Variants in BBS9 observed in about 807,000 individuals in gnomAD.
BBS9 encodes Bardet-Biedl syndrome 9, also known as protein PTHB1.
Under a neutral mutation model 117.7 loss-of-function variants are expected in BBS9, and 89 were observed. The observed-to-expected ratio is 0.76, with a 90% CI of 0.64 to 0.90. BBS9 has a LOEUF of 0.90. Among genes scored for constraint, BBS9 ranks in the 40% least tolerant of loss-of-function variants. BBS9 has a pLI of 0.00. For missense variants in BBS9, 982 were observed against 1,042.2 expected, an observed-to-expected ratio of 0.94 and a Z score of 0.80; for synonymous variants, 379 against 370.9, an observed-to-expected ratio of 1.02 and a Z score of -0.25.
intron 2 of BBS9, among the ~76,000 whole-genome samples, chr7:33,152,171 T>G (rs1056898140): frequency 4.6e-5 from 7 of 152,220 alleles, no homozygotes; most frequent in Non-Finnish European, 8.8e-5. Flanking sequence ...CAGAGGTACC[T>G]GGGGTTATGA....
chr7:33,316,147 A>G (rs1810461234), intron 9 of BBS9, among the ~76,000 whole-genome samples: 1 of 152,116 alleles, frequency 6.6e-6, no homozygotes, highest in Admixed American at 6.5e-5. Context: ...ACTGCTGTTC[A>G]TATTCTCTTT....
At chr7:33,354,896 T>C (rs1819353609) in intron 15 of BBS9, among the ~76,000 whole-genome samples, 1 of 152,070 alleles carries the variant, frequency 6.6e-6, no homozygotes, top group Admixed American at 6.6e-5. Context: ...AGGGAAATGT[T>C]TGAAGGAGAG....
intron 19 of BBS9, among the ~76,000 whole-genome samples, chr7:33,500,570 A>G (rs753440413): frequency 6.6e-6 from 1 of 152,230 alleles, no homozygotes; most frequent in Admixed American, 6.5e-5. Flanking sequence ...TAATCTGGGT[A>G]TGACAGCCTT....
intron 19 of BBS9, among the ~76,000 whole-genome samples, chr7:33,487,529 T>G (rs1048678914): frequency 3.7e-4 from 56 of 152,208 alleles, no homozygotes; most frequent in African/African-American, 1.3e-3. Context: ...AGGAGGATTG[T>G]CTAGAAAAGT....
intron 12 of BBS9, among the ~76,000 whole-genome samples, chr7:33,345,615 T>G (rs926670745): frequency 1.3e-5 from 2 of 152,182 alleles, no homozygotes; most frequent in Non-Finnish European, 2.9e-5. Context: ...AAGGGTGGTC[T>G]TTCCCCAACC....
chr7:33,606,978 T>C (rs1358039546), downstream of BBS9, among the ~76,000 whole-genome samples: 2 of 152,146 alleles, frequency 1.3e-5, no homozygotes, highest in African/African-American at 4.8e-5. Flanking sequence ...CTGTCTCCTC[T>C]TAAGGTTCTC....
At chr7:33,445,449 A>G (rs1241054846) in intron 19 of BBS9, among the ~76,000 whole-genome samples, 4 of 152,174 alleles carry the variant, frequency 2.6e-5, no homozygotes, top group Admixed American at 1.3e-4. Flanking sequence ...CCAGTACATC[A>G]TGGTAAATAT....
intron 19 of BBS9, among the ~76,000 whole-genome samples, chr7:33,408,770 C>G (rs1830565553): frequency 6.6e-6 from 1 of 152,158 alleles, no homozygotes. Context: ...ACTCTCAGTT[C>G]TCTGAGAAAT....
At chr7:33,264,456 G>T in intron 7 of BBS9, 82 bp downstream of exon 7, 1 of 847,986 alleles carries the variant, frequency 1.2e-6, no homozygotes, top group Non-Finnish European at 1.8e-6. Flanking sequence ...TTCATGGGAA[G>T]AAAATGTAAA....
intron 9 of BBS9, among the ~76,000 whole-genome samples, chr7:33,294,286 CTATCATCTATCTATCT>C (rs1414281942): frequency 5.4e-5 from 8 of 149,300 alleles, no homozygotes; most frequent in African/African-American, 7.5e-5. Context: ...TTCCATCTAT[CTATCATCTATCTATCT>C]ATCTATCTAT....
chr7:33,336,671 ATAT>A (rs1419459955), intron 10 of BBS9, 49 bp downstream of exon 10: 12 of 1,257,690 alleles, frequency 9.5e-6, no homozygotes, highest in Non-Finnish European at 1.4e-5. Flanking sequence ...TATGAAATTC[ATAT>A]TATCTTGTAG....
At chr7:33,395,370 T>C (rs1827779422) in intron 19 of BBS9, among the ~76,000 whole-genome samples, 1 of 152,210 alleles carries the variant, frequency 6.6e-6, no homozygotes, top group South Asian at 2.1e-4. Flanking sequence ...ATAAATTTGT[T>C]AGTCAAAGCA....
intron 21 of BBS9, among the ~76,000 whole-genome samples, chr7:33,537,200 T>C (rs1192023761): frequency 2.0e-5 from 3 of 152,172 alleles, no homozygotes; most frequent in African/African-American, 7.2e-5. Flanking sequence ...AAATTGCAGA[T>C]GGATAAACAT....
At chr7:33,280,530 C>T (rs1480879835) in intron 9 of BBS9, among the ~76,000 whole-genome samples, 6 of 152,166 alleles carry the variant, frequency 3.9e-5, no homozygotes, top group Non-Finnish European at 8.8e-5. Flanking sequence ...TTATCATGGT[C>T]TCCCTCTTCT....
chr7:33,307,477 G>A (rs1016381503), intron 9 of BBS9, among the ~76,000 whole-genome samples: 1 of 151,352 alleles, frequency 6.6e-6, no homozygotes, highest in East Asian at 1.9e-4. Context: ...TATAATCTTT[G>A]CCTTAACTAT....
At chr7:33,231,980 T>C (rs149670143) in intron 5 of BBS9, among the ~76,000 whole-genome samples, 1 of 152,174 alleles carries the variant, frequency 6.6e-6, no homozygotes, top group African/African-American at 2.4e-5. Context: ...GGGGACAAAA[T>C]CACCCCTACT....
At chr7:33,345,943 T>G (rs1309849719) in intron 12 of BBS9, among the ~76,000 whole-genome samples, 4 of 152,226 alleles carry the variant, frequency 2.6e-5, no homozygotes. Context: ...TTCCCTCCCA[T>G]GCAGTTCTTA....
chr7:33,357,327 G>A (rs770715246), intron 15 of BBS9, among the ~76,000 whole-genome samples: 1 of 151,676 alleles, frequency 6.6e-6, no homozygotes, highest in African/African-American at 2.4e-5. Flanking sequence ...GACTTCAATA[G>A]AACTTCAGAA....
intron 5 of BBS9, among the ~76,000 whole-genome samples, chr7:33,186,635 CAAA>C (rs1212170664): frequency 6.6e-6 from 1 of 151,796 alleles, no homozygotes; most frequent in African/African-American, 2.4e-5. Context: ...AAGAAAAGTC[CAAA>C]AAAATTTAAA....
Sources: gnomAD v4.1 joint callset for allele counts (sites outside exome capture counted in the v4.1 genomes callset) on GRCh38, gnomAD v4.1.1 for gene constraint, MANE v1.5 for transcripts, NCBI Gene and HGNC (gene_info 2026-07-23, HGNC 2026-07-21) for gene names.